RASGEF1B: variants seen among roughly 807,000 people sequenced by gnomAD.
The protein encoded by RASGEF1B is RasGEF domain family member 1B.
RASGEF1B carries 30 observed loss-of-function variants against 65.7 expected under a neutral mutation model. That is an observed-to-expected ratio of 0.46 (90% CI 0.34 to 0.62). The LOEUF is 0.62. RASGEF1B is among the 20% of genes least tolerant of loss of function. The pLI is 0.01. For synonymous variants in RASGEF1B, 175 were observed against 194.8 expected (o/e 0.90, Z 0.85); for missense variants, 495 against 580.1 (o/e 0.85, Z 1.51).
At chr4:81,459,569 TA>T in intron 1 of RASGEF1B, 55 bp from the exon 2 acceptor site, 1 of 1,350,266 alleles carries the variant, frequency 7.4e-7, no homozygotes, top group Non-Finnish European at 1.0e-6. Flanking sequence ...AGTATGAAAA[TA>T]AAGGTAAGCT....
chr4:81,443,859 C>T (rs1721931344), intron 8 of RASGEF1B, among the ~76,000 whole-genome samples: 1 of 152,260 alleles, frequency 6.6e-6, no homozygotes, highest in East Asian at 1.9e-4. Flanking sequence ...AACAGTTTTC[C>T]AAAGTAGTAG....
At chr4:81,458,772 T>C (rs1036704952) in intron 2 of RASGEF1B, among the ~76,000 whole-genome samples, 1 of 152,202 alleles carries the variant, frequency 6.6e-6, no homozygotes, top group Non-Finnish European at 1.5e-5. Context: ...CTCTTGGAAT[T>C]ACTGTAAAGA....
chr4:81,429,726 C>A (rs532802775), intron 13 of RASGEF1B, among the ~76,000 whole-genome samples: 4 of 152,200 alleles, frequency 2.6e-5, no homozygotes, highest in African/African-American at 9.7e-5. Context: ...TAGAAGGGCA[C>A]GCCGGCAGGG....
At chr4:81,463,550 G>A (rs1722714919) in intron 1 of RASGEF1B, among the ~76,000 whole-genome samples, 1 of 152,162 alleles carries the variant, frequency 6.6e-6, no homozygotes, top group African/African-American at 2.4e-5. Flanking sequence ...ATGGCTCACA[G>A]TATTCATCAC....
intron 11 of RASGEF1B, 36 bp from the exon 12 acceptor site, chr4:81,433,999 C>A (rs1235450405): frequency 2.5e-6 from 4 of 1,572,412 alleles, no homozygotes; most frequent in South Asian, 2.2e-5. Flanking sequence ...TAAAGGTGAT[C>A]ATAAAAAAAT....
At chr4:81,437,231 A>G (rs1472091859) in intron 10 of RASGEF1B, among the ~76,000 whole-genome samples, 1 of 152,202 alleles carries the variant, frequency 6.6e-6, no homozygotes, top group Non-Finnish European at 1.5e-5. Context: ...ACATTTGTTA[A>G]GTAGCTAAAA....
chr4:81,446,081 A>G (rs1271026982), intron 6 of RASGEF1B, among the ~76,000 whole-genome samples: 2 of 152,252 alleles, frequency 1.3e-5, no homozygotes, highest in Non-Finnish European at 2.9e-5. Flanking sequence ...TGCATTTATA[A>G]AAGTGTCCTT....
chr4:81,459,146 A>G, intron 2 of RASGEF1B, 186 bp downstream of exon 2: 1 of 545,146 alleles, frequency 1.8e-6, no homozygotes, highest in Non-Finnish European at 3.2e-6. Flanking sequence ...CACATAGTAT[A>G]CCAAAATCTG....
Position 81,459,312 on chromosome 4 carries a change from A to C in RASGEF1B, c.177+20T>G. The C allele has an allele frequency of 6.5e-7, 1 of 1,538,974 alleles. No homozygotes were observed. Among genetic ancestry groups the C allele is most frequent in the Non-Finnish European group, 8.8e-7 (1 of 1,139,472 alleles). On this transcript the variant is annotated intron_variant, in intron 2 of 13. Coordinates refer to ENST00000264400, the MANE Select transcript of RASGEF1B (RefSeq NM_152545.3). Reference sequence around the variant, plus strand: ...CTACTCATTGCCAAGGATGTGTTTCAGAGAAACATGAATACCTACATCTGG... The same window carrying C: ...CTACTCATTGCCAAGGATGTGTTTCCGAGAAACATGAATACCTACATCTGG...
chr4:81,467,597 T>C (rs1174539234), intron 1 of RASGEF1B, among the ~76,000 whole-genome samples: 1 of 152,230 alleles, frequency 6.6e-6, no homozygotes, highest in Non-Finnish European at 1.5e-5. Context: ...TCGTTCCTTG[T>C]CTTTCAAAGA....
intron 1 of RASGEF1B, among the ~76,000 whole-genome samples, chr4:81,465,612 G>A (rs1444072142): frequency 1.3e-5 from 2 of 152,196 alleles, no homozygotes; most frequent in African/African-American, 4.8e-5. Flanking sequence ...GGATTTGAAA[G>A]GCATGCCTAA....
chr4:81,441,691 GCCA>G (rs1256888925), intron 9 of RASGEF1B, among the ~76,000 whole-genome samples: 1 of 151,918 alleles, frequency 6.6e-6, no homozygotes, highest in Non-Finnish European at 1.5e-5. Context: ...ACAGGCACAT[GCCA>G]CCACACCTGG....
chr4:81,452,816 A>T (rs1722307817), intron 4 of RASGEF1B: 1 of 152,210 alleles, frequency 6.6e-6, no homozygotes. Flanking sequence ...GTCATTTGTC[A>T]TGTAATTCAA....
At chr4:81,465,489 C>T (rs1293951572) in intron 1 of RASGEF1B, among the ~76,000 whole-genome samples, 1 of 152,188 alleles carries the variant, frequency 6.6e-6, no homozygotes, top group Non-Finnish European at 1.5e-5. Context: ...CTTACAGAGG[C>T]AGCTAATTTG....
intron 3 of RASGEF1B, 40 bp downstream of exon 3, chr4:81,457,459 G>A (rs761334908): frequency 6.2e-7 from 1 of 1,605,934 alleles, no homozygotes; most frequent in Non-Finnish European, 8.5e-7. Flanking sequence ...AAGCCATAAA[G>A]TAAGCATTCC....
At chr4:81,444,595 G>A (rs1490336256) in intron 8 of RASGEF1B, among the ~76,000 whole-genome samples, 1 of 152,080 alleles carries the variant, frequency 6.6e-6, no homozygotes, top group African/African-American at 2.4e-5. Flanking sequence ...AGAATGCAGT[G>A]GCATGATTTC....
intron 6 of RASGEF1B, 74 bp downstream of exon 6, chr4:81,447,430 C>T: frequency 1.8e-6 from 2 of 1,107,144 alleles, no homozygotes; most frequent in East Asian, 2.4e-5. Flanking sequence ...TAACTTCCGT[C>T]CTTTATACCC....
intron 1 of RASGEF1B, 30 bp downstream of exon 1, chr4:81,471,740 G>A (rs1723038611): frequency 6.6e-6 from 1 of 152,660 alleles, no homozygotes. Flanking sequence ...CCCCCAGCCG[G>A]GAGAACAACC....
chr4:81,447,435 A>T, intron 6 of RASGEF1B, 69 bp downstream of exon 6: 1 of 1,143,484 alleles, frequency 8.7e-7, no homozygotes, highest in Non-Finnish European at 1.3e-6. Context: ...TCCGTCCTTT[A>T]TACCCACTAT....
Sources: allele counts gnomAD v4.1 joint callset (sites outside exome capture counted in the v4.1 genomes callset), GRCh38; gene constraint gnomAD v4.1.1; transcripts MANE v1.5; gene names NCBI Gene and HGNC (gene_info 2026-07-23, HGNC 2026-07-21).